The following GPC5 variants were observed in gnomAD, a reference collection of about 807,000 sequenced individuals.
GPC5 encodes glypican-5.
In GPC5, 47 loss-of-function variants were observed where a neutral mutation model predicts 53.9. That is an observed-to-expected ratio of 0.87 (90% CI 0.69 to 1.11). GPC5 has a LOEUF of 1.11. Among genes scored for constraint, GPC5 ranks in the 50% most tolerant of loss-of-function variants. The pLI is 0.00. For synonymous variants in GPC5, 286 were observed against 263.3 expected (o/e 1.09, Z -0.84); for missense variants, 748 against 713.1 (o/e 1.05, Z -0.56).
intron 6 of GPC5, among the ~76,000 whole-genome samples, chr13:92,011,858 C>T (rs567059598): frequency 6.6e-6 from 1 of 152,204 alleles, no homozygotes; most frequent in African/African-American, 2.4e-5. Context: ...AGAATCTGCA[C>T]TACCACAATT....
At chr13:91,809,493 G>A (rs191327136) in intron 5 of GPC5, among the ~76,000 whole-genome samples, 105 of 152,192 alleles carry the variant, frequency 6.9e-4, no homozygotes, top group African/African-American at 2.4e-3. Flanking sequence ...TTGACTTGGT[G>A]GAACTATAAT....
chr13:92,516,791 G>T (rs1413192), intron 7 of GPC5, among the ~76,000 whole-genome samples: 7 of 152,248 alleles, frequency 4.6e-5, no homozygotes, highest in African/African-American at 1.7e-4. Flanking sequence ...TCCAACTGAG[G>T]TACCAGGTTC....
chr13:91,846,788 C>G (rs908751897), intron 5 of GPC5, among the ~76,000 whole-genome samples: 1 of 151,986 alleles, frequency 6.6e-6, no homozygotes, highest in South Asian at 2.1e-4. Context: ...TGAAGGTACT[C>G]TAGGGTGAGA....
At chr13:92,367,754 C>A (rs2043617352) in intron 7 of GPC5, among the ~76,000 whole-genome samples, 1 of 152,146 alleles carries the variant, frequency 6.6e-6, no homozygotes, top group Non-Finnish European at 1.5e-5. Context: ...CCCTCCCTCA[C>A]TTGTAAGGCA....
At chr13:92,109,077 T>C (rs1178265855) in intron 6 of GPC5, among the ~76,000 whole-genome samples, 3 of 146,636 alleles carry the variant, frequency 2.0e-5, no homozygotes, top group African/African-American at 5.0e-5. Context: ...TTTTTTTTTT[T>C]TTTTTTTGAG....
intron 5 of GPC5, among the ~76,000 whole-genome samples, chr13:91,783,534 A>G (rs1327168570): frequency 6.6e-6 from 1 of 152,110 alleles, no homozygotes; most frequent in Non-Finnish European, 1.5e-5. Context: ...CCTGGGTTCA[A>G]GTGATTCTTA....
chr13:92,280,538 G>A (rs748777224), intron 7 of GPC5, among the ~76,000 whole-genome samples: 15 of 152,024 alleles, frequency 9.9e-5, no homozygotes, highest in Non-Finnish European at 1.5e-4. Context: ...CATAAGTTTC[G>A]TTATGTTGTT....
intron 2 of GPC5, among the ~76,000 whole-genome samples, chr13:91,520,734 G>GTA (rs35078116): frequency 0.047 from 7,126 of 150,962 alleles, 506 homozygotes; most frequent in African/African-American, 0.16. Flanking sequence ...GTGTGTGTGT[G>GTA]TATATATATA....
chr13:92,403,870 A>G (rs987050832), intron 7 of GPC5, among the ~76,000 whole-genome samples: 1 of 152,200 alleles, frequency 6.6e-6, no homozygotes, highest in African/African-American at 2.4e-5. Context: ...TAGAGCTAAT[A>G]ATTTCTTCAA....
At chr13:91,894,842 T>C (rs971379474) in intron 5 of GPC5, among the ~76,000 whole-genome samples, 5 of 152,040 alleles carry the variant, frequency 3.3e-5, no homozygotes, top group African/African-American at 1.2e-4. Context: ...AAATTAGGCA[T>C]GCAAAAATAA....
intron 6 of GPC5, among the ~76,000 whole-genome samples, chr13:92,000,458 A>G (rs377175382): frequency 9.9e-5 from 15 of 152,124 alleles, no homozygotes; most frequent in African/African-American, 3.6e-4. Flanking sequence ...ATTACAATAT[A>G]ATAATGTCAT....
At chr13:91,718,450 T>C (rs2036393351) in intron 3 of GPC5, among the ~76,000 whole-genome samples, 1 of 152,046 alleles carries the variant, frequency 6.6e-6, no homozygotes, top group Non-Finnish European at 1.5e-5. Flanking sequence ...GTGGCTTTTT[T>C]TTCCCTTCTC....
At chr13:92,850,772 A>G (rs1278402850) in intron 7 of GPC5, among the ~76,000 whole-genome samples, 4 of 152,226 alleles carry the variant, frequency 2.6e-5, no homozygotes, top group Non-Finnish European at 4.4e-5. Flanking sequence ...AGTACTATGT[A>G]GGAGATATAA....
intron 7 of GPC5, among the ~76,000 whole-genome samples, chr13:92,717,381 T>C (rs1445065385): frequency 1.3e-5 from 2 of 152,110 alleles, no homozygotes; most frequent in Non-Finnish European, 1.5e-5. Context: ...GAATATAATA[T>C]TTACTTTAAC....
intron 5 of GPC5, among the ~76,000 whole-genome samples, chr13:91,899,902 T>A (rs752648135): frequency 2.6e-5 from 4 of 152,162 alleles, no homozygotes; most frequent in Non-Finnish European, 5.9e-5. Flanking sequence ...AATATATTTC[T>A]GTCCTCTTAA....
chr13:92,001,850 G>C, intron 6 of GPC5, among the ~76,000 whole-genome samples: 1 of 152,030 alleles, frequency 6.6e-6, no homozygotes, highest in East Asian at 1.9e-4. Context: ...GAATTGGAAG[G>C]CATATTAAAC....
At chr13:92,277,713 A>G (rs917553149) in intron 7 of GPC5, among the ~76,000 whole-genome samples, 2 of 151,940 alleles carry the variant, frequency 1.3e-5, no homozygotes, top group Non-Finnish European at 2.9e-5. Flanking sequence ...GAAGTTGTTA[A>G]AAATTTTGAT....
At chr13:92,793,459 A>G (rs930493322) in intron 7 of GPC5, among the ~76,000 whole-genome samples, 12 of 152,300 alleles carry the variant, frequency 7.9e-5, no homozygotes, top group Admixed American at 7.9e-4. Flanking sequence ...ACACCCTAAC[A>G]TCACAATTAA....
chr13:92,061,675 C>T (rs1180712924), intron 6 of GPC5, among the ~76,000 whole-genome samples: 1 of 151,986 alleles, frequency 6.6e-6, no homozygotes, highest in Non-Finnish European at 1.5e-5. Flanking sequence ...TAAATGGACT[C>T]TATGAACACA....
Sources: gnomAD v4.1 joint callset for allele counts (sites outside exome capture counted in the v4.1 genomes callset) on GRCh38, gnomAD v4.1.1 for gene constraint, MANE v1.5 for transcripts, NCBI Gene and HGNC (gene_info 2026-07-23, HGNC 2026-07-21) for gene names.